Variants in PTPRR observed in about 807,000 individuals in gnomAD.
PTPRR encodes the protein receptor-type tyrosine-protein phosphatase R.
Under a neutral mutation model 77.2 loss-of-function variants are expected in PTPRR, and 38 were observed. The ratio of observed to expected loss-of-function variants is 0.49; its 90% CI spans 0.38 to 0.65. The LOEUF is 0.65. PTPRR is among the 30% of genes least tolerant of loss of function. The pLI, the probability that PTPRR is intolerant of heterozygous loss-of-function variation, is 0.00. For synonymous variants in PTPRR, 299 were observed against 283.1 expected, an observed-to-expected ratio of 1.06 and a Z score of -0.57; for missense variants, 744 against 799.2, an observed-to-expected ratio of 0.93 and a Z score of 0.83.
At chr12:70,739,944 C>A (rs1445837664) in intron 6 of PTPRR, among the ~76,000 whole-genome samples, 1 of 152,144 alleles carries the variant, frequency 6.6e-6, no homozygotes, top group African/African-American at 2.4e-5. Context: ...GATGTAGTTG[C>A]AAATGGATTT....
At chr12:70,845,219 GA>G (rs11329406) in intron 2 of PTPRR, among the ~76,000 whole-genome samples, 102,838 of 151,722 alleles carry the variant, frequency 0.68, 36,098 homozygotes, top group African/African-American at 0.87. Flanking sequence ...AGTGGAGGGA[GA>G]AAAGAAGCTT....
intron 2 of PTPRR, among the ~76,000 whole-genome samples, chr12:70,867,563 C>A (rs1410021352): frequency 1.3e-5 from 2 of 151,626 alleles, no homozygotes; most frequent in Non-Finnish European, 2.9e-5. Flanking sequence ...AAGAACATTC[C>A]ATGCTCATGG....
In PTPRR at chr12:70,764,672, C is replaced by T. The variant is rs149766636; in HGVS notation, c.464G>A (p.Arg155His). Residue 155 changes from arginine to histidine, a missense_variant, in exon 3 of 14, where the codon CGC becomes CAC. Arg to His is a conservative substitution (Grantham distance 29). Coordinates refer to ENST00000283228, the MANE Select transcript of PTPRR (RefSeq NM_002849.4). Reference protein sequence around the residue: ...GLLPQQVHINRLIGKKNSIEL... With the variant: ...GLLPQQVHINHLIGKKNSIEL... ...GAAATGTGGGTATCTTACAATGAGG[C>T]GATTGATGTGCACTTGCTGGGGTAA... The T allele has an allele frequency of 6.2e-5, 100 of 1,611,204 alleles. No homozygotes were observed. The highest frequency in any genetic ancestry group is 5.5e-4 in the African/African-American group (41 of 74,916).
At chr12:70,639,853 T>A (rs1160445944) in intron 13 of PTPRR, among the ~76,000 whole-genome samples, 1 of 152,234 alleles carries the variant, frequency 6.6e-6, no homozygotes. Context: ...TGCAAAATGT[T>A]GCTTTCTACA....
chr12:70,887,929 T>G (rs562404369), intron 2 of PTPRR, among the ~76,000 whole-genome samples: 21 of 152,292 alleles, frequency 1.4e-4, no homozygotes, highest in African/African-American at 4.8e-4. Context: ...TCTGGGAATC[T>G]TGGATCCCAG....
chr12:70,800,291 T>C (rs1891592633), intron 2 of PTPRR, among the ~76,000 whole-genome samples: 1 of 149,686 alleles, frequency 6.7e-6, no homozygotes, highest in Non-Finnish European at 1.5e-5. Flanking sequence ...TGTGCTGAGG[T>C]TATAGAGCTT....
chr12:70,663,298 G>A (rs1410534372), intron 10 of PTPRR, among the ~76,000 whole-genome samples: 30 of 152,174 alleles, frequency 2.0e-4, no homozygotes, highest in Non-Finnish European at 1.2e-4. Context: ...TAGCATGGTG[G>A]TTAAGGCGCA....
chr12:70,916,199 A>C (rs1948127177), intron 1 of PTPRR, among the ~76,000 whole-genome samples: 2 of 152,188 alleles, frequency 1.3e-5, no homozygotes, highest in Admixed American at 1.3e-4. Context: ...TAACAAGGTA[A>C]TATTTAATTA....
intron 2 of PTPRR, among the ~76,000 whole-genome samples, chr12:70,777,006 T>C (rs1472930573): frequency 6.6e-6 from 1 of 152,164 alleles, no homozygotes; most frequent in Non-Finnish European, 1.5e-5. Flanking sequence ...ATCTTGTGTA[T>C]ACTTCCAAAT....
rs183361308 is a variant in PTPRR at position 70,782,244 on chromosome 12, G to A, written c.358-17466C>T. The stretch of plus-strand genomic sequence containing the variant: ...TGTGTTTGTGTGTTCAGATGTTGCA[G>A]GTAGGTGAGCGAATACCAATCAAAA... On this transcript the variant is annotated intron_variant, in intron 2 of 13. Coordinates refer to ENST00000283228, the MANE Select transcript of PTPRR (RefSeq NM_002849.4). 2.6e-4 allele frequency among the ~76,000 whole-genome samples: 40 copies of A among 152,138 alleles called. No individual in the cohort carries two copies. In the East Asian group the frequency reaches 7.7e-3, roughly 29 times the overall value.
chr12:70,749,108 T>C (rs1890307536), intron 5 of PTPRR, among the ~76,000 whole-genome samples: 1 of 152,204 alleles, frequency 6.6e-6, no homozygotes, highest in Non-Finnish European at 1.5e-5. Context: ...ACTGGAGTTA[T>C]TTGTGGCCAG....
At chr12:70,757,373 G>A (rs564192050) in intron 4 of PTPRR, among the ~76,000 whole-genome samples, 4 of 152,138 alleles carry the variant, frequency 2.6e-5, no homozygotes, top group East Asian at 1.9e-4. Flanking sequence ...AGAACTTACC[G>A]TTTTAATAGG....
chr12:70,817,784 A>C (rs2048606), intron 2 of PTPRR, among the ~76,000 whole-genome samples: 6,146 of 152,320 alleles, frequency 0.04, 396 homozygotes, highest in African/African-American at 0.14. Context: ...ATACAGACCC[A>C]CAAGCACATG....
chr12:70,758,609 T>C (rs1208528477), intron 4 of PTPRR, among the ~76,000 whole-genome samples: 3 of 151,934 alleles, frequency 2.0e-5, no homozygotes, highest in African/African-American at 7.3e-5. Flanking sequence ...GGGCCTTGAC[T>C]GTGGGAATGG....
chr12:70,639,814 T>C (rs1885931601), intron 13 of PTPRR: 1 of 152,562 alleles, frequency 6.6e-6, no homozygotes, highest in Non-Finnish European at 1.5e-5. Flanking sequence ...TAAAATTGAT[T>C]GACGGAGACA....
In PTPRR at chr12:70,805,197, C is replaced by T. The variant is rs141927108; in HGVS notation, c.358-40419G>A. 2.3e-3 allele frequency among the ~76,000 whole-genome samples: 344 copies of T among 152,030 alleles called. 2 individuals carry two copies. The highest frequency in any genetic ancestry group is 0.01 in the Middle Eastern group (3 of 294). ...CATTTAATTAGATCTTACTGATGGA[C>T]ATTTATGCTGTTTCTATTTTATCCT... On this transcript the variant is annotated intron_variant, in intron 2 of 13. Transcript: ENST00000283228.
chr12:70,888,451 T>C (rs71454299), intron 2 of PTPRR, among the ~76,000 whole-genome samples: 2,637 of 152,284 alleles, frequency 0.017, 30 homozygotes, highest in African/African-American at 0.031. Flanking sequence ...TTTGCATGCA[T>C]GTACTTTCAG....
rs80100941 is a variant in PTPRR, at chr12:70,764,611, A to G, written c.471+54T>C. On this transcript the variant is annotated intron_variant, in intron 3 of 13. Coordinates refer to ENST00000283228, the MANE Select transcript of PTPRR (RefSeq NM_002849.4). ...TATAGCATGAGCCCTTTAGTGATTA[A>G]AAAAACCACACACACGGCTTGAATT... 7.9e-3 allele frequency: 11,471 copies of G among 1,455,964 alleles called. 448 individuals are homozygous for G. In the East Asian group the frequency reaches 0.11, roughly 14 times the overall value. The allele number at this position is 1,455,964 out of a possible 1,614,324, so 90.2% of individuals were successfully genotyped here. A position where few individuals can be genotyped will look rare whatever the true frequency, so the allele number is the denominator to read the frequency against.
At chr12:70,824,851 G>C (rs1316347047) in intron 2 of PTPRR, among the ~76,000 whole-genome samples, 1 of 152,182 alleles carries the variant, frequency 6.6e-6, no homozygotes, top group Non-Finnish European at 1.5e-5. Context: ...CAGTGGGCTT[G>C]CTAGAATTAA....
Sources: gnomAD v4.1 joint callset for allele counts (sites outside exome capture counted in the v4.1 genomes callset) on GRCh38, gnomAD v4.1.1 for gene constraint, MANE v1.5 for transcripts, NCBI Gene and HGNC (gene_info 2026-07-23, HGNC 2026-07-21) for gene names.